PLCH2: variants seen among roughly 807,000 people sequenced by gnomAD.
PLCH2 encodes phospholipase C eta 2.
In PLCH2, 98 loss-of-function variants were observed where a neutral mutation model predicts 134.7. The observed-to-expected ratio is 0.73, with a 90% CI of 0.62 to 0.86. The LOEUF is 0.86. PLCH2 is among the 40% of genes least tolerant of loss of function. The probability of loss-of-function intolerance (pLI) is 0.00; values close to 1 mark genes in which losing one functional copy is unlikely to be tolerated. For missense variants in PLCH2, 1,994 were observed against 1,986.6 expected (o/e 1.00, Z -0.07); for synonymous variants, 974 against 827.5 (o/e 1.18, Z -3.04).
intron 16 of PLCH2, chr1:2,497,860 C>T (rs1030632269): frequency 1.3e-5 from 6 of 471,866 alleles, no homozygotes; most frequent in African/African-American, 1.2e-4. Flanking sequence ...ACTGGGGAGC[C>T]TGGGCCCCAC....
intron 10 of PLCH2, among the ~76,000 whole-genome samples, chr1:2,490,101 C>T (rs1642491733): frequency 6.8e-6 from 1 of 146,764 alleles, no homozygotes; most frequent in South Asian, 2.3e-4. Context: ...TGAGCTGACT[C>T]TTGGGGTACC....
intron 2 of PLCH2, among the ~76,000 whole-genome samples, chr1:2,442,791 G>A (rs925226439): frequency 8.5e-5 from 13 of 152,168 alleles, no homozygotes; most frequent in African/African-American, 3.1e-4. Flanking sequence ...CTGCCAGGAG[G>A]GTCTGTTGGG....
In PLCH2 at chr1:2,497,565, A is replaced by G; in HGVS notation, c.2180A>G (p.Asn727Ser). ...CTGAACCGAGCCAAGTTCAGCGCCA[A>G]CGGTGGCTGCGGCTACGTACTCAAG... ...LQLNRAKFSA[N>S]GGCGYVLKPG... is the part of the protein sequence containing the mutation. Residue 727 changes from asparagine (N) to serine (S), a missense_variant, in exon 16 of 22, where the codon AAC (asparagine) becomes AGC (serine). Transcript: ENST00000378486. 2.6e-6 allele frequency: 4 copies of G among 1,564,810 alleles called. No individual in the cohort carries two copies. The highest frequency in any genetic ancestry group is 3.5e-6 in the Non-Finnish European group (4 of 1,155,226).
Position 2,504,105 on chromosome 1 carries a change from C to A in PLCH2, c.3143C>A (p.Thr1048Asn). The A allele has an allele frequency of 6.5e-7, 1 of 1,528,334 alleles. No individual in the cohort carries two copies. The highest frequency in any genetic ancestry group is 1.4e-5 in the African/African-American group (1 of 71,662). The allele number at this position is 1,528,334 out of a possible 1,614,324, so 94.7% of individuals were successfully genotyped here. Residue 1048 changes from threonine (T) to asparagine (N), a missense_variant, in exon 22 of 22, where the codon ACT becomes AAT. This residue lies in a region of PLCH2 where 900 missense variants were observed against 752.3 expected (regional missense o/e 1.20). Coordinates refer to ENST00000378486, the MANE Select transcript of PLCH2 (RefSeq NM_014638.4). ...GANVASPLEDTEEPRDSRPRP... is the reference protein window; with the variant it reads ...GANVASPLEDNEEPRDSRPRP... Reference sequence around the variant, plus strand: ...AATGTGGCAAGCCCCCTAGAGGACACTGAGGAGCCCCGAGACAGCAGGCCT... The same window carrying A: ...AATGTGGCAAGCCCCCTAGAGGACAATGAGGAGCCCCGAGACAGCAGGCCT...
In PLCH2 at chr1:2,448,907, T is replaced by C. The variant is rs1640068322; in HGVS notation, c.115+18278T>C. On this transcript the variant is annotated intron_variant, in intron 2 of 3. Transcript: ENST00000609981. This position sits in a 1 kb window ranked among gnomAD's most constrained non-coding sequence, Gnocchi z 4.0. The stretch of plus-strand genomic sequence containing the variant: ...CATCACTGCTGCCCCGGAAGGCACC[T>C]GGGGCCTCCAGAATGCTCGTTTCGT... Among the ~76,000 whole-genome samples the C allele has an allele frequency of 6.6e-6, 1 of 152,200 alleles. No homozygotes were observed. The highest frequency in any genetic ancestry group is 2.4e-5 in the African/African-American group (1 of 41,460).
intron 5 of PLCH2, among the ~76,000 whole-genome samples, chr1:2,485,060 G>C (rs1011102938): frequency 2.6e-5 from 4 of 152,106 alleles, no homozygotes; most frequent in Non-Finnish European, 4.4e-5. Flanking sequence ...ACATGGGTCT[G>C]GCTGACTCGC....
intron 8 of PLCH2, among the ~76,000 whole-genome samples, chr1:2,488,844 C>T (rs1642414168): frequency 6.6e-6 from 1 of 152,228 alleles, no homozygotes; most frequent in Non-Finnish European, 1.5e-5. Context: ...CTATCTATAG[C>T]TCCACACTGT....
chr1:2,478,449 T>C, intron 1 of PLCH2, 27 bp from the exon 2 acceptor site: 1 of 1,608,380 alleles, frequency 6.2e-7, no homozygotes, highest in Non-Finnish European at 8.5e-7. Flanking sequence ...GTGCCTCCGC[T>C]GACAGCCGTG....
chr1:2,460,610 G>T (rs1263364960), intron 2 of PLCH2, among the ~76,000 whole-genome samples: 1 of 152,226 alleles, frequency 6.6e-6, no homozygotes, highest in Non-Finnish European at 1.5e-5. Context: ...TATTTTTAAC[G>T]ATGCAAGCAG....
chr1:2,454,875 G>A (rs1036969689), intron 2 of PLCH2, among the ~76,000 whole-genome samples: 3 of 152,128 alleles, frequency 2.0e-5, no homozygotes, highest in East Asian at 1.9e-4. Flanking sequence ...CAGGTGGCTC[G>A]CGGCTCAGGA....
chr1:2,478,769 A>G, intron 2 of PLCH2, 147 bp downstream of exon 2: 1 of 813,140 alleles, frequency 1.2e-6, no homozygotes, highest in South Asian at 1.7e-5. Flanking sequence ...GGGGATCTGC[A>G]GTGACCTCGG....
intron 1 of PLCH2, among the ~76,000 whole-genome samples, chr1:2,427,276 C>T (rs1398226759): frequency 1.3e-5 from 2 of 152,104 alleles, no homozygotes; most frequent in Non-Finnish European, 2.9e-5. Context: ...GCAGCTGGGG[C>T]AGGCAGGCTG....
chr1:2,501,138 A>T (rs1643203053), intron 20 of PLCH2: 1 of 151,824 alleles, frequency 6.6e-6, no homozygotes, highest in Non-Finnish European at 1.5e-5. Context: ...TTGAATCAGG[A>T]AGCTGATTCA....
chr1:2,498,498 G>T lies in PLCH2; in HGVS notation c.2225-25G>T. The T allele has an allele frequency of 6.3e-7, 1 of 1,599,030 alleles. No homozygotes were observed. The highest frequency in any genetic ancestry group is 1.1e-5 in the South Asian group (1 of 89,358). ...GGGGCTTGCTGAGGGCTGGGCCACT[G>T]ACCACCTCCCCGGCATCCCCTCAGG... On this transcript the variant is annotated intron_variant, in intron 16 of 21. Transcript: ENST00000378486. The surrounding 1 kb of genome is among the most constrained non-coding windows in gnomAD (Gnocchi z 5.4).
chr1:2,416,842 G>A, the PLCH2 span, among the ~76,000 whole-genome samples: 42 of 152,296 alleles, frequency 2.8e-4, no homozygotes, highest in African/African-American at 8.9e-4. Context: ...GTGGTCCGGG[G>A]CTCTGCCTGT....
chr1:2,494,449 C>T (rs965089891), intron 11 of PLCH2: 9 of 313,036 alleles, frequency 2.9e-5, no homozygotes, highest in South Asian at 2.8e-5. Context: ...GTGGAATGCT[C>T]GTAAAAGGGT....
chr1:2,459,518 T>TTTCCGGTGG (rs1557969900), intron 2 of PLCH2, among the ~76,000 whole-genome samples: 1 of 127,382 alleles, frequency 7.9e-6, no homozygotes, highest in Admixed American at 8.0e-5. Context: ...GTGGTCCTCC[T>TTTCCGGTGG]TCCTGGTGGT....
chr1:2,496,649 C>T lies in PLCH2; in HGVS notation c.1878C>T (p.Leu626=), dbSNP rs781756931. 2 of 1,612,254 alleles carry T rather than the reference C, an allele frequency of 1.2e-6. No homozygotes were observed. The highest frequency in any genetic ancestry group is 1.7e-5 in the Admixed American group (1 of 59,930). The change falls in exon 14 of 22, where the codon CTC becomes CTT. Residue 626 remains leucine, a synonymous_variant. Transcript: ENST00000378486. The part of the protein sequence containing the change: ...QKKTMKLSRA[L]SDLVKYTKSV... ...AGACCATGAAGCTGTCCCGGGCCCT[C>T]TCTGACCTGGTGAAGTACACCAAGT...
chr1:2,416,329 C>T, the PLCH2 span, among the ~76,000 whole-genome samples: 1 of 152,200 alleles, frequency 6.6e-6, no homozygotes, highest in Non-Finnish European at 1.5e-5. Context: ...AGTGTCCCCT[C>T]CCTTCTCTTT....
Sources: allele counts gnomAD v4.1 joint callset (sites outside exome capture counted in the v4.1 genomes callset), GRCh38; gene constraint gnomAD v4.1.1; regional missense constraint gnomAD v4.1.1; non-coding constraint Gnocchi (gnomAD v3.1); transcripts MANE v1.5; gene names NCBI Gene and HGNC (gene_info 2026-07-23, HGNC 2026-07-21).